PRTG: variants seen among roughly 807,000 people sequenced by gnomAD.
The protein encoded by PRTG is immunoglobulin superfamily, DCC subclass, member 5.
A neutral mutation model predicts 122.5 loss-of-function variants in PRTG; 67 were observed. That is an observed-to-expected ratio of 0.55 (90% CI 0.45 to 0.67). The LOEUF is 0.67. Among genes scored for constraint, PRTG ranks in the 30% least tolerant of loss-of-function variants. PRTG has a pLI of 0.00. For missense variants in PRTG, 1,435 were observed against 1,415.4 expected (o/e 1.01, Z -0.22); for synonymous variants, 554 against 501.1 (o/e 1.11, Z -1.41).
rs59788490 is a variant in PRTG at position 55,624,456 on chromosome 15, A to G, written c.2979T>C (p.Arg993=). The part of the protein sequence containing the change: ...TAQNGTQQLP[R]TSASLASGNE... Reference sequence around the variant, plus strand: ...TTCCACTAGCTAAGGAGGCACTGGTACGAGGTAACTGTTGAGTTCCATTCT... The same window carrying G: ...TTCCACTAGCTAAGGAGGCACTGGTGCGAGGTAACTGTTGAGTTCCATTCT... Residue 993 remains arginine (R), a synonymous_variant, in exon 18 of 20, where the codon CGT becomes CGC. Coordinates refer to ENST00000389286, the MANE Select transcript of PRTG (RefSeq NM_173814.6). 414 of 1,614,078 alleles carry G rather than the reference A, an allele frequency of 2.6e-4. 2 individuals are homozygous for G. The African/African-American group carries it at 5.3e-3, about 20-fold the overall frequency.
chr15:55,690,880 C>T (rs2059596750), intron 2 of PRTG, among the ~76,000 whole-genome samples: 2 of 152,198 alleles, frequency 1.3e-5, no homozygotes, highest in South Asian at 4.1e-4. Flanking sequence ...GGAAACTGGA[C>T]AGGGAAATTA....
At chr15:55,695,994 G>C (rs1024105920) in intron 2 of PRTG, among the ~76,000 whole-genome samples, 1 of 151,994 alleles carries the variant, frequency 6.6e-6, no homozygotes. Context: ...ACACAGGGAG[G>C]CCAGACACAG....
chr15:55,738,276 G>C (rs1273753867), intron 2 of PRTG: 1 of 400,926 alleles, frequency 2.5e-6, no homozygotes, highest in Non-Finnish European at 4.4e-6. Flanking sequence ...AAAATCTAAA[G>C]ATATTTAAAA....
At chr15:55,690,492 A>C (rs931567329) in intron 2 of PRTG, among the ~76,000 whole-genome samples, 3 of 152,234 alleles carry the variant, frequency 2.0e-5, no homozygotes, top group African/African-American at 4.8e-5. Context: ...AAAGCTGAGC[A>C]TTGCAAAAGT....
intron 2 of PRTG, among the ~76,000 whole-genome samples, chr15:55,698,642 G>A (rs1020759172): frequency 1.5e-4 from 23 of 152,306 alleles, no homozygotes; most frequent in Admixed American, 1.4e-3. Context: ...GAGAGGAAGA[G>A]CCACAGGTGT....
intron 15 of PRTG, among the ~76,000 whole-genome samples, chr15:55,629,671 T>C (rs891476509): frequency 2.6e-5 from 4 of 152,128 alleles, no homozygotes; most frequent in Non-Finnish European, 4.4e-5. Context: ...TCAATGATTA[T>C]AATTGGATTT....
chr15:55,631,614 T>C (rs1367669620), intron 15 of PRTG, among the ~76,000 whole-genome samples: 1 of 152,234 alleles, frequency 6.6e-6, no homozygotes, highest in African/African-American at 2.4e-5. Context: ...AGTGTGATTA[T>C]TTCCGTCTCC....
intron 2 of PRTG, among the ~76,000 whole-genome samples, chr15:55,695,635 C>T (rs1304762319): frequency 2.0e-5 from 3 of 152,200 alleles, no homozygotes; most frequent in Admixed American, 1.3e-4. Flanking sequence ...GTTTCCACAT[C>T]TCTAAGTCAC....
At chr15:55,740,131 T>C (rs1461525525) in intron 2 of PRTG, among the ~76,000 whole-genome samples, 1 of 152,272 alleles carries the variant, frequency 6.6e-6, no homozygotes, top group Non-Finnish European at 1.5e-5. Context: ...AAAATTTTTA[T>C]AAAGCCACCT....
intron 2 of PRTG, among the ~76,000 whole-genome samples, chr15:55,738,002 C>CTCTCTCTCTCTCTATATA (rs1248440584): frequency 1.0e-5 from 1 of 96,680 alleles, no homozygotes; most frequent in East Asian, 3.2e-4. Context: ...CTCTCTCTCT[C>CTCTCTCTCTCTCTATATA]TATATATATA....
intron 17 of PRTG, among the ~76,000 whole-genome samples, chr15:55,625,342 T>C (rs563870080): frequency 6.6e-6 from 1 of 152,322 alleles, no homozygotes; most frequent in Non-Finnish European, 1.5e-5. Context: ...TCCCACCATA[T>C]GTCCCGTGGT....
chr15:55,733,096 C>T (rs1203740909), intron 2 of PRTG, among the ~76,000 whole-genome samples: 2 of 152,148 alleles, frequency 1.3e-5, no homozygotes, highest in African/African-American at 4.8e-5. Context: ...ATAGTCCCAG[C>T]TACTCAGGAG....
chr15:55,648,040 C>A (rs1481476588), intron 11 of PRTG, among the ~76,000 whole-genome samples: 1 of 152,140 alleles, frequency 6.6e-6, no homozygotes, highest in Non-Finnish European at 1.5e-5. Context: ...TCTACCTTTA[C>A]CCACATCTTC....
chr15:55,624,424 A>C lies in PRTG; in HGVS notation c.3011T>G (p.Val1004Gly), dbSNP rs777741402. The part of the protein sequence containing the change: ...TSASLASGNE[V>G]GKNLEGAVGN... ...TACAGCTCCTTCCAGGTTCTTTCCT[A>C]CCTCATTTCCACTAGCTAAGGAGGC... is the stretch of plus-strand genomic sequence containing the variant. The change falls in exon 18 of 20, where the codon GTA (valine) becomes GGA (glycine). Residue 1004 changes from valine to glycine, a missense_variant. By Grantham distance (109) the Val-to-Gly change is moderately radical. Transcript: ENST00000389286. 24 of 1,613,932 alleles carry C rather than the reference A, an allele frequency of 1.5e-5. No homozygotes were observed. In the East Asian group the frequency reaches 5.3e-4, roughly 36 times the overall value.
At chr15:55,696,133 C>G (rs777260348) in intron 2 of PRTG, among the ~76,000 whole-genome samples, 4 of 151,218 alleles carry the variant, frequency 2.6e-5, no homozygotes, top group Non-Finnish European at 5.9e-5. Flanking sequence ...GTGTGGTGGC[C>G]TGTGTCTGTG....
rs996756561 is a variant in PRTG at position 55,628,388 on chromosome 15, A to G, written c.2806+434T>C. Among the ~76,000 whole-genome samples, 20 of 1,682 alleles carry G rather than the reference A, an allele frequency of 0.012. No homozygotes were observed. The Non-Finnish European group carries it at 0.19, about 16-fold the overall frequency. The allele number at this position is 1,682 out of a possible 152,430, so 1.1% of individuals were successfully genotyped here. A position where few individuals can be genotyped will look rare whatever the true frequency, so the allele number is the denominator to read the frequency against. ...TTGCTTTTCTGGAGACAGAGAGGGA[A>G]AAAAAAAAAAAAAACTTTCTCTCCA... On this transcript the variant is annotated intron_variant, in intron 16 of 19. Coordinates refer to ENST00000389286, the MANE Select transcript of PRTG (RefSeq NM_173814.6).
Position 55,682,385 on chromosome 15 carries a change from C to T in PRTG, c.655G>A (p.Ala219Thr). ...TVAHRRKSME[A>T]SLTVIPAKES... ...GTACCTGGAATCACAGTTAGCGAGG[C>T]CTCCATACTTTTACGTCGGTGGGCT... Residue 219 changes from alanine to threonine, a missense_variant, in exon 4 of 20, where the codon GCC becomes ACC. Ala to Thr is a moderately conservative substitution (Grantham distance 58). Coordinates refer to ENST00000389286, the MANE Select transcript of PRTG (RefSeq NM_173814.6). The T allele has an allele frequency of 1.2e-6, 2 of 1,602,166 alleles. No individual in the cohort carries two copies. Among genetic ancestry groups the T allele is most frequent in the East Asian group, 2.3e-5 (1 of 44,312 alleles).
In PRTG at chr15:55,680,101, G is replaced by T. The variant is rs755347923; in HGVS notation, c.926C>A (p.Pro309His). Residue 309 changes from proline (P) to histidine (H), a missense_variant, in exon 6 of 20, where the codon CCT becomes CAT. Pro to His is a moderately conservative substitution (Grantham distance 77, BLOSUM62 -2). Transcript: ENST00000389286. ...AGCAACTGTAAAGTTGCGTGTGCCA[G>T]GGGTAGTGGCCCGACAAACATATAC... ...AGVYVCRATT[P>H]GTRNFTVAMA... 3 of 1,613,602 alleles carry T rather than the reference G, an allele frequency of 1.9e-6. No individual in the cohort carries two copies. Among genetic ancestry groups the T allele is most frequent in the African/African-American group, 1.3e-5 (1 of 74,904 alleles).
chr15:55,700,767 ACT>A (rs2059659066), intron 2 of PRTG, among the ~76,000 whole-genome samples: 1 of 151,950 alleles, frequency 6.6e-6, no homozygotes, highest in Non-Finnish European at 1.5e-5. Flanking sequence ...GGCAACGGAG[ACT>A]CTGTCTCTAA....
Sources: gnomAD v4.1 joint callset for allele counts (sites outside exome capture counted in the v4.1 genomes callset) on GRCh38, gnomAD v4.1.1 for gene constraint, MANE v1.5 for transcripts, NCBI Gene and HGNC (gene_info 2026-07-23, HGNC 2026-07-21) for gene names.